PDLIM5: variants seen among roughly 807,000 people sequenced by gnomAD.
PDLIM5 encodes PDZ and LIM domain protein 5.
Under a neutral mutation model 64.2 loss-of-function variants are expected in PDLIM5, and 34 were observed. That is an observed-to-expected ratio of 0.53 (90% CI 0.40 to 0.71). PDLIM5 has a LOEUF of 0.71. Among genes scored for constraint, PDLIM5 ranks in the 30% least tolerant of loss-of-function variants. The probability of loss-of-function intolerance (pLI) is 0.00; values close to 1 mark genes in which losing one functional copy is unlikely to be tolerated. For missense variants in PDLIM5, 683 were observed against 733.6 expected, an observed-to-expected ratio of 0.93 and a Z score of 0.80; for synonymous variants, 253 against 269.1, an observed-to-expected ratio of 0.94 and a Z score of 0.59.
At chr4:94,651,927 C>A (rs1741874594) in intron 9 of PDLIM5, among the ~76,000 whole-genome samples, 1 of 152,182 alleles carries the variant, frequency 6.6e-6, no homozygotes, top group Non-Finnish European at 1.5e-5. Context: ...AAGGAATAAT[C>A]CTGCGGGGTG....
chr4:94,478,272 AAG>A lies in PDLIM5; in HGVS notation c.96+22890_96+22891del, dbSNP rs1170446363. On this transcript the variant is annotated intron_variant, in intron 2 of 12. Transcript: ENST00000317968. ...CTCCGTCTCAAAAAAAAAAAAAAAA[AAG>A]AATATAGTATTAATATATATATAAT... Among the ~76,000 whole-genome samples the A allele has an allele frequency of 2.0e-4, 29 of 148,714 alleles. No homozygotes were observed. The South Asian group carries it at 4.6e-3, about 24-fold the overall frequency.
In PDLIM5 at chr4:94,523,644, T is replaced by A. The variant is rs1024183402; in HGVS notation, c.97-80T>A. Reference sequence around the variant, plus strand: ...ATAGTATATTAATATACTTTTGGTATAAGCAAAAGTATAATTTTTATCAGC... The same window carrying A: ...ATAGTATATTAATATACTTTTGGTAAAAGCAAAAGTATAATTTTTATCAGC... On this transcript the variant is annotated intron_variant, in intron 2 of 12. Coordinates refer to ENST00000317968, the MANE Select transcript of PDLIM5 (RefSeq NM_006457.5). The A allele has an allele frequency of 2.2e-5, 23 of 1,035,338 alleles. 1 individual carries two copies. Among genetic ancestry groups the A allele is most frequent in the Non-Finnish European group, 3.1e-5 (22 of 702,508 alleles). 64.1% of individuals were successfully genotyped at this position (1,035,338 alleles called of 1,614,324 possible).
At chr4:94,487,097 G>T (rs1726411459) in intron 2 of PDLIM5, among the ~76,000 whole-genome samples, 1 of 152,206 alleles carries the variant, frequency 6.6e-6, no homozygotes, top group Non-Finnish European at 1.5e-5. Context: ...TGTCATTGGG[G>T]AGATGCCCTG....
intron 5 of PDLIM5, chr4:94,577,247 A>T: frequency 2.2e-6 from 1 of 457,078 alleles, no homozygotes; most frequent in Non-Finnish European, 4.4e-6. Flanking sequence ...ACTTGTGTGG[A>T]TAGGTCCATT....
intron 7 of PDLIM5, among the ~76,000 whole-genome samples, chr4:94,615,490 G>A (rs114632994): frequency 0.011 from 1,634 of 152,132 alleles, 10 homozygotes; most frequent in South Asian, 0.033. Context: ...GAGAGAGTAG[G>A]AAGAGGTACC....
chr4:94,485,730 A>G (rs1726257128), intron 2 of PDLIM5, among the ~76,000 whole-genome samples: 1 of 151,466 alleles, frequency 6.6e-6, no homozygotes, highest in South Asian at 2.1e-4. Flanking sequence ...TGTGCCTGTA[A>G]TCCCAGCTAC....
At chr4:94,571,340 A>G (rs969042171) in intron 3 of PDLIM5, among the ~76,000 whole-genome samples, 3 of 152,192 alleles carry the variant, frequency 2.0e-5, no homozygotes, top group Non-Finnish European at 2.9e-5. Context: ...ATCAACTTCA[A>G]ATAGATTGTT....
chr4:94,465,469 C>T (rs960169683), intron 2 of PDLIM5, among the ~76,000 whole-genome samples: 3 of 152,094 alleles, frequency 2.0e-5, no homozygotes, highest in Admixed American at 2.0e-4. Context: ...GGCATGATCT[C>T]GGCTCACTAT....
chr4:94,571,022 G>A (rs1175702161), intron 3 of PDLIM5, among the ~76,000 whole-genome samples: 1 of 152,102 alleles, frequency 6.6e-6, no homozygotes, highest in East Asian at 1.9e-4. Flanking sequence ...TAAAAACCAT[G>A]TTATTTTATA....
Position 94,666,052 on chromosome 4 carries a change from A to T in PDLIM5, c.*1985A>T, listed in dbSNP as rs1560777238. 1 of 1,529,408 alleles carries T rather than the reference A, an allele frequency of 6.5e-7. No homozygotes were observed. The highest frequency in any genetic ancestry group is 8.8e-7 in the Non-Finnish European group (1 of 1,142,062). 94.7% of individuals were successfully genotyped at this position (1,529,408 alleles called of 1,614,324 possible). On this transcript the variant is annotated 3_prime_UTR_variant, in exon 13 of 13. Coordinates refer to ENST00000317968, the MANE Select transcript of PDLIM5 (RefSeq NM_006457.5). ...TGGATGAAAGTCCATGAACCTCCTA[A>T]GTTATAATTTAAATTTGTTTGGGGC...
intron 5 of PDLIM5, among the ~76,000 whole-genome samples, chr4:94,581,601 C>G (rs935009837): frequency 6.6e-6 from 1 of 152,124 alleles, no homozygotes; most frequent in African/African-American, 2.4e-5. Context: ...GTTTATGAAA[C>G]TGATTTTGAC....
At chr4:94,523,186 G>C (rs1729982700) in intron 2 of PDLIM5, among the ~76,000 whole-genome samples, 1 of 152,124 alleles carries the variant, frequency 6.6e-6, no homozygotes, top group South Asian at 2.1e-4. Flanking sequence ...CAGTATAAAA[G>C]ATATTTGGGC....
At chr4:94,472,989 A>G (rs181881399) in intron 2 of PDLIM5, among the ~76,000 whole-genome samples, 2 of 152,338 alleles carry the variant, frequency 1.3e-5, no homozygotes, top group African/African-American at 2.4e-5. Context: ...ACAAAAATAA[A>G]TGGTGATAAA....
At chr4:94,560,819 C>T (rs537802002) in intron 3 of PDLIM5, among the ~76,000 whole-genome samples, 13 of 152,224 alleles carry the variant, frequency 8.5e-5, no homozygotes, top group Admixed American at 3.9e-4. Flanking sequence ...CTCCACCTCC[C>T]GGGTTCACGC....
intron 3 of PDLIM5, among the ~76,000 whole-genome samples, chr4:94,560,970 G>T (rs902666516): frequency 3.3e-5 from 5 of 151,978 alleles, no homozygotes; most frequent in African/African-American, 1.2e-4. Context: ...CTCATGATCC[G>T]CCCGCCTCGG....
chr4:94,581,925 A>G (rs1420070336), intron 5 of PDLIM5, among the ~76,000 whole-genome samples: 2 of 152,214 alleles, frequency 1.3e-5, no homozygotes, highest in African/African-American at 2.4e-5. Flanking sequence ...CTTCTGGGCA[A>G]TAATTATATC....
intron 7 of PDLIM5, among the ~76,000 whole-genome samples, chr4:94,590,866 T>C (rs1736624749): frequency 6.6e-6 from 1 of 152,170 alleles, no homozygotes; most frequent in African/African-American, 2.4e-5. Flanking sequence ...ATCTAACTGC[T>C]TGCAAATAAA....
At chr4:94,471,855 GTA>G (rs1257088374) in intron 2 of PDLIM5, among the ~76,000 whole-genome samples, 1 of 152,014 alleles carries the variant, frequency 6.6e-6, no homozygotes, top group Non-Finnish European at 1.5e-5. Flanking sequence ...TACCTTATAA[GTA>G]TTTGTACTTA....
At chr4:94,474,960 C>G (rs1725196186) in intron 2 of PDLIM5, among the ~76,000 whole-genome samples, 1 of 152,206 alleles carries the variant, frequency 6.6e-6, no homozygotes, top group Non-Finnish European at 1.5e-5. Context: ...CTGACATTTT[C>G]AGTAATAATA....
Sources: gnomAD v4.1 joint callset for allele counts (sites outside exome capture counted in the v4.1 genomes callset) on GRCh38, gnomAD v4.1.1 for gene constraint, MANE v1.5 for transcripts, NCBI Gene and HGNC (gene_info 2026-07-23, HGNC 2026-07-21) for gene names.